The following MOBP variants were observed in gnomAD, a reference collection of about 807,000 sequenced individuals.
The protein encoded by MOBP is myelin-associated oligodendrocyte basic protein.
Under a neutral mutation model 15.0 loss-of-function variants are expected in MOBP, and 5 were observed. That is an observed-to-expected ratio of 0.33 (90% confidence interval 0.17 to 0.70). The LOEUF (loss-of-function observed/expected upper bound fraction) is 0.70, where lower values mean the gene tolerates loss of function less well. Ranked by LOEUF, MOBP falls within the 30% of genes least tolerant of loss-of-function variation. The pLI is 0.67. For synonymous variants in MOBP, 88 were observed against 99.0 expected (o/e 0.89, Z 0.66); for missense variants, 188 against 257.8 (o/e 0.73, Z 1.85).
intron 3 of MOBP, among the ~76,000 whole-genome samples, chr3:39,522,550 C>T (rs1000008865): frequency 6.6e-6 from 1 of 152,200 alleles, no homozygotes; most frequent in Non-Finnish European, 1.5e-5. Flanking sequence ...TTTAAGCCAT[C>T]ATGCTATTGA....
At chr3:39,468,870 CAT>C (rs766773705) in intron 1 of MOBP, among the ~76,000 whole-genome samples, 1 of 107,710 alleles carries the variant, frequency 9.3e-6, no homozygotes, top group African/African-American at 5.2e-5. Flanking sequence ...TGTATATATA[CAT>C]ATATACATAT....
chr3:39,525,744 A>T (rs907410544), downstream of MOBP: 1 of 152,962 alleles, frequency 6.5e-6, no homozygotes, highest in Non-Finnish European at 1.5e-5. Context: ...GATGAGATAC[A>T]GCTCAGAGTG....
chr3:39,471,788 G>T (rs1037973775), intron 1 of MOBP, among the ~76,000 whole-genome samples: 1 of 152,116 alleles, frequency 6.6e-6, no homozygotes, highest in Non-Finnish European at 1.5e-5. Flanking sequence ...TAGTAATTAC[G>T]CATAGAAGGA....
At chr3:39,468,252 C>T (rs1260266102) in intron 1 of MOBP, among the ~76,000 whole-genome samples, 3 of 152,188 alleles carry the variant, frequency 2.0e-5, no homozygotes, top group South Asian at 2.1e-4. Flanking sequence ...TGTAGACCAA[C>T]AACCTTAAAT....
intron 2 of MOBP, among the ~76,000 whole-genome samples, chr3:39,491,230 C>T (rs2042790530): frequency 6.6e-6 from 1 of 152,134 alleles, no homozygotes; most frequent in Non-Finnish European, 1.5e-5. Context: ...GTCACTGAGG[C>T]CCCATCTCCC....
chr3:39,501,975 T>A, intron 2 of MOBP, 91 bp from the exon 3 acceptor site: 1 of 1,056,382 alleles, frequency 9.5e-7, no homozygotes, highest in Admixed American at 2.0e-5. Context: ...CCTTGGATTA[T>A]GGGAGTAGCA....
chr3:39,489,194 C>T (rs1391066820), intron 2 of MOBP, among the ~76,000 whole-genome samples: 1 of 152,216 alleles, frequency 6.6e-6, no homozygotes, highest in East Asian at 1.9e-4. Context: ...AATTTCATTT[C>T]TTCAGGAATC....
chr3:39,475,680 C>T (rs2125626174), intron 1 of MOBP, among the ~76,000 whole-genome samples: 1 of 152,110 alleles, frequency 6.6e-6, no homozygotes, highest in South Asian at 2.1e-4. Context: ...TTCTTATTTA[C>T]CTTCTTGCTC....
chr3:39,518,979 A>G (rs2043234518), downstream of MOBP, among the ~76,000 whole-genome samples: 1 of 152,166 alleles, frequency 6.6e-6, no homozygotes, highest in Non-Finnish European at 1.5e-5. Context: ...CCTCTTATGG[A>G]TGGAAGTTAT....
At chr3:39,505,660 T>C (rs1013996069), downstream of MOBP, among the ~76,000 whole-genome samples, 3 of 152,224 alleles carry the variant, frequency 2.0e-5, no homozygotes, top group Non-Finnish European at 4.4e-5. Context: ...GTGTGTTGTT[T>C]TGGAGTGTGA....
At chr3:39,470,438 A>G (rs1445622188) in intron 1 of MOBP, among the ~76,000 whole-genome samples, 1 of 152,220 alleles carries the variant, frequency 6.6e-6, no homozygotes, top group Non-Finnish European at 1.5e-5. Flanking sequence ...AGAGAAGAAA[A>G]TTGAGATCCA....
At chr3:39,492,599 G>A (rs2042815481) in intron 2 of MOBP, among the ~76,000 whole-genome samples, 1 of 152,060 alleles carries the variant, frequency 6.6e-6, no homozygotes, top group Admixed American at 6.6e-5. Context: ...GCTTTTTTTG[G>A]TAAAATCAAT....
rs1288404049 is a variant in MOBP at position 39,502,448 on chromosome 3, C to T, written c.207-87C>T. ...AAGGTGGGTGGGGGAGCAGGGCCTT[C>T]CTACCTGTTTCCAGCTCCTGCCAGC... On this transcript the variant is annotated intron_variant, in intron 3 of 3. Transcript: ENST00000684792. This position sits in a 1 kb window ranked among gnomAD's most constrained non-coding sequence, Gnocchi z 6.3. 6.5e-7 allele frequency: 1 copy of T among 1,529,912 alleles called. No homozygotes were observed. Among genetic ancestry groups the T allele is most frequent in the Non-Finnish European group, 8.7e-7 (1 of 1,143,982 alleles). 94.8% of individuals were successfully genotyped at this position (1,529,912 alleles called of 1,614,324 possible).
chr3:39,515,623 T>A (rs1200857353), exon 5 of MOBP: 1 of 152,358 alleles, frequency 6.6e-6, no homozygotes, highest in East Asian at 1.9e-4. Context: ...TTTTTGTGCG[T>A]ATAAATGGTA....
chr3:39,516,686 AT>A (rs960374682), downstream of MOBP, among the ~76,000 whole-genome samples: 1 of 152,232 alleles, frequency 6.6e-6, no homozygotes, highest in Non-Finnish European at 1.5e-5. Flanking sequence ...TTTATTTAAA[AT>A]TCAAGATAAC....
chr3:39,467,833 A>G (rs2042365182), intron 1 of MOBP, 93 bp downstream of exon 1: 1 of 152,208 alleles, frequency 6.6e-6, no homozygotes, highest in African/African-American at 2.4e-5. Flanking sequence ...ATTTCATTAT[A>G]TCCCAGGGAA....
In MOBP at chr3:39,524,007, A is replaced by G. The variant is rs188407814; in HGVS notation, c.*259-236A>G. Among the ~76,000 whole-genome samples, 581 of 152,360 alleles carry G rather than the reference A, an allele frequency of 3.8e-3. 5 individuals are homozygous for G. Among genetic ancestry groups the G allele is most frequent in the Middle Eastern group, 6.8e-3 (2 of 294 alleles). On this transcript the variant is annotated intron_variant and NMD_transcript_variant, in intron 3 of 4. Transcript: ENST00000424090. ...GGCTAAGAAAAAAATTATAATCTAA[A>G]GGTTTAGCACACCTAGATGGAAATA...
chr3:39,507,598 T>C (rs2043064199), downstream of MOBP, among the ~76,000 whole-genome samples: 1 of 152,090 alleles, frequency 6.6e-6, no homozygotes, highest in African/African-American at 2.4e-5. Flanking sequence ...AAGGTTAGGG[T>C]ACACCTGGAA....
downstream of MOBP, chr3:39,503,109 A>G (rs112624081): frequency 8.0e-3 from 3,846 of 482,558 alleles, 28 homozygotes; most frequent in Middle Eastern, 0.021. Context: ...CCGTTGTCTA[A>G]TAGGACTGGA....
Sources: gnomAD v4.1 joint callset for allele counts (sites outside exome capture counted in the v4.1 genomes callset) on GRCh38, gnomAD v4.1.1 for gene constraint, Gnocchi (gnomAD v3.1) non-coding constraint, MANE v1.5 for transcripts, NCBI Gene and HGNC (gene_info 2026-07-23, HGNC 2026-07-21) for gene names.